Variants in WWOX observed in about 807,000 individuals in gnomAD.
WWOX encodes WW domain containing oxidoreductase.
In WWOX, 69 loss-of-function variants were observed where a neutral mutation model predicts 46.2. The observed-to-expected ratio is 1.49, with a 90% CI of 1.23 to 1.82. The LOEUF (loss-of-function observed/expected upper bound fraction) is 1.82, where lower values mean the gene tolerates loss of function less well. Ranked by LOEUF, WWOX falls within the 40% of genes most tolerant of loss-of-function variation. WWOX has a pLI of 0.00. For synonymous variants in WWOX, 359 were observed against 202.6 expected, an observed-to-expected ratio of 1.77 and a Z score of -6.56; for missense variants, 919 against 542.6, an observed-to-expected ratio of 1.69 and a Z score of -6.89.
chr16:78,848,531 A>G (rs572759680), intron 8 of WWOX, among the ~76,000 whole-genome samples: 1 of 152,262 alleles, frequency 6.6e-6, no homozygotes, highest in East Asian at 1.9e-4. Context: ...TGGGGAATGG[A>G]AAGTCCTTTA....
intron 4 of WWOX, chr16:78,118,820 CTG>C (rs1166402837): frequency 6.6e-6 from 1 of 152,204 alleles, no homozygotes; most frequent in African/African-American, 2.4e-5. Flanking sequence ...CCCAGGAAGA[CTG>C]TGGCAGCACA....
intron 5 of WWOX, among the ~76,000 whole-genome samples, chr16:78,361,724 G>A (rs929616510): frequency 4.6e-5 from 7 of 151,972 alleles, no homozygotes; most frequent in African/African-American, 9.7e-5. Flanking sequence ...CGATTCTCCC[G>A]TCTCAGCCTC....
intron 8 of WWOX, among the ~76,000 whole-genome samples, chr16:78,560,341 C>T (rs1597267510): frequency 6.6e-6 from 1 of 152,094 alleles, no homozygotes; most frequent in Non-Finnish European, 1.5e-5. Flanking sequence ...AATATTATTA[C>T]CATCAAGAAT....
rs147260284 is a variant in WWOX at position 78,702,773 on chromosome 16, C to T, written c.1056+270021C>T. Among the ~76,000 whole-genome samples, 16 of 152,232 alleles carry T rather than the reference C, an allele frequency of 1.1e-4. No individual in the cohort carries two copies. In the East Asian group the frequency reaches 2.9e-3, roughly 28 times the overall value. On this transcript the variant is annotated intron_variant, in intron 8 of 8. Coordinates refer to ENST00000566780, the MANE Select transcript of WWOX (RefSeq NM_016373.4). ...CGCAGAGGAAGCAGATTTGTCTGCACACCTCTTGCATGTGTATTTGGAGAA... is the reference window on the plus strand; with the variant it reads ...CGCAGAGGAAGCAGATTTGTCTGCATACCTCTTGCATGTGTATTTGGAGAA...
chr16:78,637,992 C>T (rs115321382), intron 8 of WWOX, among the ~76,000 whole-genome samples: 2,982 of 152,282 alleles, frequency 0.02, 78 homozygotes, highest in African/African-American at 0.068. Flanking sequence ...TCAACTTGCT[C>T]ACCTGTCTGT....
intron 8 of WWOX, among the ~76,000 whole-genome samples, chr16:79,197,307 G>C (rs544682157): frequency 1.3e-5 from 2 of 152,270 alleles, no homozygotes; most frequent in African/African-American, 4.8e-5. Context: ...GTATTCCACA[G>C]GTCATCACCA....
chr16:78,887,714 G>C (rs891046613), intron 8 of WWOX, among the ~76,000 whole-genome samples: 10 of 152,182 alleles, frequency 6.6e-5, no homozygotes, highest in Admixed American at 4.6e-4. Context: ...TGGTTTTCCA[G>C]ATGTGACAAA....
chr16:78,497,606 G>T (rs1185579048), intron 8 of WWOX, among the ~76,000 whole-genome samples: 3 of 152,168 alleles, frequency 2.0e-5, no homozygotes. Flanking sequence ...CAGCGTAAAT[G>T]CAAGAAAAGA....
intron 8 of WWOX, among the ~76,000 whole-genome samples, chr16:79,102,066 G>T (rs2049210087): frequency 1.6e-5 from 2 of 128,622 alleles, no homozygotes; most frequent in South Asian, 6.5e-4. Context: ...GGGGGAGGGG[G>T]GGAGGGGGTG....
At chr16:79,193,817 A>C (rs1253138719) in intron 8 of WWOX, among the ~76,000 whole-genome samples, 1 of 152,148 alleles carries the variant, frequency 6.6e-6, no homozygotes, top group African/African-American at 2.4e-5. Context: ...CTGAATCAGT[A>C]GACAGACAAG....
At position 79,156,364 on chromosome 16, in the gene WWOX, C is replaced by G. The variant is rs138036109; in HGVS notation, c.1057-55244C>G. ...TTTGTAGAGATGGGGTTTTGCCATG[C>G]TGCTCAAGCTATTCTCGAACTCCTG... is the stretch of plus-strand genomic sequence containing the variant. On this transcript the variant is annotated intron_variant, in intron 8 of 8. Transcript: ENST00000566780. 2.6e-5 allele frequency among the ~76,000 whole-genome samples: 4 copies of G among 152,288 alleles called. No homozygotes were observed. In the East Asian group the frequency reaches 5.8e-4, roughly 22 times the overall value.
chr16:78,930,927 C>G (rs1015021924), intron 8 of WWOX, among the ~76,000 whole-genome samples: 9 of 152,084 alleles, frequency 5.9e-5, no homozygotes, highest in Admixed American at 2.6e-4. Context: ...GTTCCCAGGT[C>G]CTATCACTAA....
intron 8 of WWOX, among the ~76,000 whole-genome samples, chr16:78,433,143 C>A (rs1163439843): frequency 6.6e-6 from 1 of 152,114 alleles, no homozygotes; most frequent in Admixed American, 6.5e-5. Flanking sequence ...ACATTGGTGA[C>A]TACTGAATTT....
At chr16:78,538,217 C>G (rs553168719) in intron 8 of WWOX, among the ~76,000 whole-genome samples, 56 of 62,434 alleles carry the variant, frequency 9.0e-4, no homozygotes, top group African/African-American at 3.0e-3. Context: ...ATCACTCACA[C>G]CAAAAAAAAA....
At chr16:78,289,960 T>C (rs1264522119) in intron 5 of WWOX, among the ~76,000 whole-genome samples, 1 of 152,242 alleles carries the variant, frequency 6.6e-6, no homozygotes, top group East Asian at 1.9e-4. Context: ...TGTATTTTAC[T>C]TATAATCAGA....
At chr16:79,044,073 G>T (rs993226286) in intron 8 of WWOX, among the ~76,000 whole-genome samples, 1 of 152,194 alleles carries the variant, frequency 6.6e-6, no homozygotes, top group African/African-American at 2.4e-5. Flanking sequence ...TGGCCTGAGA[G>T]TCACAGTGAG....
At chr16:78,534,118 T>G (rs2043698623) in intron 8 of WWOX, among the ~76,000 whole-genome samples, 1 of 152,142 alleles carries the variant, frequency 6.6e-6, no homozygotes, top group African/African-American at 2.4e-5. Context: ...ATAGAAAAAT[T>G]TATTAATAGC....
In WWOX at chr16:78,956,599, GTATCA is replaced by G. The variant is rs557261266; in HGVS notation, c.1057-254997_1057-254993del. 3.5e-3 allele frequency among the ~76,000 whole-genome samples: 529 copies of G among 150,266 alleles called. 6 individuals carry two copies. The highest frequency in any genetic ancestry group is 0.012 in the African/African-American group (516 of 41,420). ...ATGTATCTATCATACATCATATATTGTATCATATCATATCATGTCATATCATATCA... is the reference window on the plus strand; with the variant it reads ...ATGTATCTATCATACATCATATATTGTATCATATCATGTCATATCATATCA... On this transcript the variant is annotated intron_variant, in intron 8 of 8. Transcript: ENST00000566780.
chr16:78,522,953 T>TC (rs1233809019), intron 8 of WWOX, among the ~76,000 whole-genome samples: 1 of 152,146 alleles, frequency 6.6e-6, no homozygotes, highest in African/African-American at 2.4e-5. Context: ...GTGCCTGTAA[T>TC]CCCAGCTACC....
Sources: gnomAD v4.1 joint callset for allele counts (sites outside exome capture counted in the v4.1 genomes callset) on GRCh38, gnomAD v4.1.1 for gene constraint, MANE v1.5 for transcripts, NCBI Gene and HGNC (gene_info 2026-07-23, HGNC 2026-07-21) for gene names.